LHFPL2: variants seen among roughly 807,000 people sequenced by gnomAD.
LHFPL2 encodes LHFPL tetraspan subfamily member 2.
Under a neutral mutation model 17.5 loss-of-function variants are expected in LHFPL2, and 7 were observed. That is an observed-to-expected ratio of 0.40 (90% CI 0.23 to 0.75). The LOEUF (loss-of-function observed/expected upper bound fraction) is 0.75, where lower values mean the gene tolerates loss of function less well. Ranked by LOEUF, LHFPL2 falls within the 30% of genes least tolerant of loss-of-function variation. The pLI, the probability that LHFPL2 is intolerant of heterozygous loss-of-function variation, is 0.37. For missense variants in LHFPL2, 241 were observed against 294.8 expected, an observed-to-expected ratio of 0.82 and a Z score of 1.34; for synonymous variants, 134 against 116.2, an observed-to-expected ratio of 1.15 and a Z score of -0.99.
intron 2 of LHFPL2, among the ~76,000 whole-genome samples, chr5:78,606,286 A>C (rs76543710): frequency 0.045 from 6,887 of 152,286 alleles, 538 homozygotes; most frequent in African/African-American, 0.16. Context: ...ATCTGGTTTC[A>C]GATGAGCATC....
At chr5:78,582,251 A>G (rs1383708707) in intron 2 of LHFPL2, among the ~76,000 whole-genome samples, 2 of 151,920 alleles carry the variant, frequency 1.3e-5, no homozygotes, top group Non-Finnish European at 2.9e-5. Flanking sequence ...TGGATTCATT[A>G]ATTTTTTGAA....
At chr5:78,539,619 G>C (rs925581878) in intron 3 of LHFPL2, among the ~76,000 whole-genome samples, 34 of 152,076 alleles carry the variant, frequency 2.2e-4, no homozygotes, top group African/African-American at 8.2e-4. Context: ...TACTGAAACT[G>C]AGGACTTCCA....
At chr5:78,635,465 C>T (rs1334096124) in intron 1 of LHFPL2, among the ~76,000 whole-genome samples, 2 of 152,216 alleles carry the variant, frequency 1.3e-5, no homozygotes, top group African/African-American at 4.8e-5. Flanking sequence ...GATCATTTTC[C>T]AAGTCTTGGA....
intron 1 of LHFPL2, among the ~76,000 whole-genome samples, chr5:78,638,745 C>T (rs1013335934): frequency 3.4e-4 from 51 of 152,224 alleles, no homozygotes; most frequent in Admixed American, 1.7e-3. Flanking sequence ...GAGTGGCTGA[C>T]GGGCTGCATG....
chr5:78,539,099 G>A (rs1756031608), intron 3 of LHFPL2, among the ~76,000 whole-genome samples: 1 of 152,166 alleles, frequency 6.6e-6, no homozygotes, highest in South Asian at 2.1e-4. Context: ...AGGTAATTAA[G>A]TCATGAGAGT....
At chr5:78,503,315 G>C (rs1754830036) in intron 4 of LHFPL2, among the ~76,000 whole-genome samples, 1 of 152,192 alleles carries the variant, frequency 6.6e-6, no homozygotes, top group Non-Finnish European at 1.5e-5. Flanking sequence ...AACCACTTTT[G>C]CATTTTATTT....
intron 3 of LHFPL2, among the ~76,000 whole-genome samples, chr5:78,549,658 T>C (rs1580798617): frequency 6.6e-6 from 1 of 152,228 alleles, no homozygotes; most frequent in Non-Finnish European, 1.5e-5. Context: ...AGTAAGTTTA[T>C]AGAGGCGGAG....
At position 78,510,054 on chromosome 5, in the gene LHFPL2, G is replaced by C. The variant is rs763209210; in HGVS notation, c.160C>G (p.Pro54Ala). 6.2e-7 allele frequency: 1 copy of C among 1,610,124 alleles called. No individual in the cohort carries two copies. Among genetic ancestry groups the C allele is most frequent in the East Asian group, 2.2e-5 (1 of 44,760 alleles). The change falls in exon 4 of 5, where the codon CCG (proline) becomes GCG (alanine). Residue 54 changes from proline (P) to alanine (A), a missense_variant. Transcript: ENST00000380345. ...CCCAGGGTGGGGTGGTAGGGCTCCG[G>C]GGAGCCCCCGCCCGGGCCCGCCGGC... is the stretch of plus-strand genomic sequence containing the variant. Reference protein sequence around the residue: ...VEPAGPGGGSPEPYHPTLGIY... With the variant: ...VEPAGPGGGSAEPYHPTLGIY...
At chr5:78,537,274 C>A (rs1317908337) in intron 3 of LHFPL2, among the ~76,000 whole-genome samples, 1 of 152,176 alleles carries the variant, frequency 6.6e-6, no homozygotes, top group Non-Finnish European at 1.5e-5. Flanking sequence ...ATTCCACCCA[C>A]CTGGCTGCAC....
At chr5:78,523,124 GT>G in intron 3 of LHFPL2, among the ~76,000 whole-genome samples, 1 of 152,116 alleles carries the variant, frequency 6.6e-6, no homozygotes, top group East Asian at 1.9e-4. Flanking sequence ...GTGTGTGTGT[GT>G]GTGTGTGTGT....
intron 2 of LHFPL2, among the ~76,000 whole-genome samples, chr5:78,581,898 C>T (rs1329098416): frequency 6.6e-5 from 10 of 151,990 alleles, no homozygotes; most frequent in South Asian, 2.1e-4. Context: ...TGGTAGAATT[C>T]GGCTGTGAAT....
chr5:78,553,375 A>G (rs1756496262), intron 3 of LHFPL2, among the ~76,000 whole-genome samples: 1 of 152,150 alleles, frequency 6.6e-6, no homozygotes, highest in South Asian at 2.1e-4. Flanking sequence ...CTCTGTCCCC[A>G]ATATAATTGG....
chr5:78,511,024 T>C (rs1367086609), intron 3 of LHFPL2, among the ~76,000 whole-genome samples: 1 of 152,184 alleles, frequency 6.6e-6, no homozygotes, highest in Admixed American at 6.5e-5. Flanking sequence ...AACAAAACAT[T>C]GCTCCCATAC....
At chr5:78,594,363 A>C (rs1278653075) in intron 2 of LHFPL2, among the ~76,000 whole-genome samples, 1 of 152,216 alleles carries the variant, frequency 6.6e-6, no homozygotes, top group Non-Finnish European at 1.5e-5. Context: ...ACATTAATTA[A>C]CTATTAGCTA....
At chr5:78,502,055 A>G (rs562299700) in intron 4 of LHFPL2, among the ~76,000 whole-genome samples, 1 of 152,348 alleles carries the variant, frequency 6.6e-6, no homozygotes, top group South Asian at 2.1e-4. Flanking sequence ...GAAATCTAGT[A>G]AGATATCCAT....
chr5:78,633,067 G>A (rs1210438972), intron 1 of LHFPL2, among the ~76,000 whole-genome samples: 2 of 152,176 alleles, frequency 1.3e-5, no homozygotes, highest in African/African-American at 4.8e-5. Flanking sequence ...GGACCTTAAG[G>A]CTAATGCAAG....
chr5:78,555,206 A>G (rs1393219071), intron 3 of LHFPL2, among the ~76,000 whole-genome samples: 1 of 152,258 alleles, frequency 6.6e-6, no homozygotes, highest in African/African-American at 2.4e-5. Context: ...TCACATGAAT[A>G]CTATACATTA....
At chr5:78,581,784 T>C (rs1220399377) in intron 2 of LHFPL2, among the ~76,000 whole-genome samples, 1 of 152,248 alleles carries the variant, frequency 6.6e-6, no homozygotes, top group African/African-American at 2.4e-5. Flanking sequence ...GGCTTTGGTA[T>C]CAGGATGATG....
intron 4 of LHFPL2, among the ~76,000 whole-genome samples, chr5:78,500,373 AACCCATGTC>A (rs1754736965): frequency 6.6e-6 from 1 of 152,162 alleles, no homozygotes; most frequent in Non-Finnish European, 1.5e-5. Context: ...GTGTTAGTTA[AACCCATGTC>A]ATTGAGGGAT....
Sources: allele counts gnomAD v4.1 joint callset (sites outside exome capture counted in the v4.1 genomes callset), GRCh38; gene constraint gnomAD v4.1.1; transcripts MANE v1.5; gene names NCBI Gene and HGNC (gene_info 2026-07-23, HGNC 2026-07-21).